Variants in LDB1 observed in about 807,000 individuals in gnomAD.
LDB1 encodes LIM domain-binding protein 1.
A neutral mutation model predicts 49.7 loss-of-function variants in LDB1; 6 were observed. That is an observed-to-expected ratio of 0.12 (90% CI 0.07 to 0.24). The LOEUF is 0.24. LDB1 is among the 10% of genes least tolerant of loss of function. The pLI, the probability that LDB1 is intolerant of heterozygous loss-of-function variation, is 1.00. For missense variants in LDB1, 341 were observed against 561.7 expected (o/e 0.61, Z 3.97); for synonymous variants, 233 against 202.0 (o/e 1.15, Z -1.30).
At chr10:102,116,579 C>T (rs1418957631) in intron 1 of LDB1, among the ~76,000 whole-genome samples, 2 of 152,184 alleles carry the variant, frequency 1.3e-5, no homozygotes, top group Non-Finnish European at 2.9e-5. Context: ...CTATGACACG[C>T]ATCCTGACCT....
In LDB1 at chr10:102,111,450, G is replaced by C; in HGVS notation, c.112C>G (p.Leu38Val). ...CTCACTTACCCCACATCCCTATCCA[G>C]CATGGTGCCGGGATGGAAGGGGGGA... ...AFPPFHPGTM[L>V]DRDVGPTPMY... Residue 38 changes from leucine to valine, a missense_variant, in exon 2 of 11, where the codon CTG becomes GTG. Transcript: ENST00000673968. 1 of 1,576,508 alleles carries C rather than the reference G, an allele frequency of 6.3e-7. No homozygotes were observed.
upstream of LDB1, among the ~76,000 whole-genome samples, chr10:102,120,644 G>C (rs1222032098): frequency 6.6e-6 from 1 of 152,202 alleles, no homozygotes; most frequent in Non-Finnish European, 1.5e-5. Context: ...GAGCGCTCGG[G>C]GAACGGCATG....
rs2068168302 is a variant in LDB1, at chr10:102,106,864, T to G, written c.*1229A>C. 6.6e-6 allele frequency among the ~76,000 whole-genome samples: 1 copy of G among 152,064 alleles called. No homozygotes were observed. The highest frequency in any genetic ancestry group is 2.1e-4 in the South Asian group (1 of 4,826). ...CCGGCTGCCTCCTCCTCCTTCCTTC[T>G]GTGAGGAAGGAGCGGCAGGGGATAC... On this transcript the variant is annotated 3_prime_UTR_variant, in exon 11 of 11. Transcript: ENST00000673968.
At chr10:102,113,040 C>T (rs58416006) in intron 1 of LDB1, among the ~76,000 whole-genome samples, 11,150 of 151,750 alleles carry the variant, frequency 0.073, 486 homozygotes, top group African/African-American at 0.12. Flanking sequence ...CCCTAAAACT[C>T]GACTGCATTT....
intron 1 of LDB1, among the ~76,000 whole-genome samples, chr10:102,118,298 C>A (rs1254191392): frequency 5.9e-5 from 9 of 152,310 alleles, no homozygotes; most frequent in Admixed American, 4.6e-4. Context: ...ATCTATAAGA[C>A]TTCTTCATGA....
chr10:102,110,938 T>C lies in LDB1; in HGVS notation c.283A>G (p.Thr95Ala). 6.2e-7 allele frequency: 1 copy of C among 1,614,076 alleles called. No individual in the cohort carries two copies. The highest frequency in any genetic ancestry group is 8.5e-7 in the Non-Finnish European group (1 of 1,179,990). The change falls in exon 5 of 11, where the codon ACT (threonine) becomes GCT (alanine). Residue 95 changes from threonine (T) to alanine (A), a missense_variant. This residue lies in a region of LDB1 where 233 missense variants were observed against 385.7 expected (regional missense o/e 0.60). Transcript: ENST00000673968. ...ATGGCATCATCCTCAAAGAACTCAGTCGTGAATGCATCCCACCAGAGATTG... is the reference window on the plus strand; with the variant it reads ...ATGGCATCATCCTCAAAGAACTCAGCCGTGAATGCATCCCACCAGAGATTG... ...CDNLWWDAFT[T>A]EFFEDDAMLT... is the part of the protein sequence containing the mutation.
rs1037234175 is a variant in LDB1 at position 102,117,109 on chromosome 10, A to G, written c.25+2977T>C. Among the ~76,000 whole-genome samples, 30 of 151,750 alleles carry G rather than the reference A, an allele frequency of 2.0e-4. No individual in the cohort carries two copies. Among genetic ancestry groups the G allele is most frequent in the Middle Eastern group, 3.4e-3 (1 of 292 alleles). Reference sequence around the variant, plus strand: ...CCCTTCCCCCTCCAGGCCTCAAATCACTGTCCTCATGGGGAGGGGGAAATG... The same window carrying G: ...CCCTTCCCCCTCCAGGCCTCAAATCGCTGTCCTCATGGGGAGGGGGAAATG... On this transcript the variant is annotated intron_variant, in intron 1 of 10. Transcript: ENST00000673968. This position sits in a 1 kb window ranked among gnomAD's most constrained non-coding sequence, Gnocchi z 4.2.
chr10:102,109,171 G>A lies in LDB1; in HGVS notation c.863C>T (p.Pro288Leu). Residue 288 changes from proline to leucine, a missense_variant, in exon 10 of 11, where the codon CCC becomes CTC. Coordinates refer to ENST00000673968, the MANE Select transcript of LDB1 (RefSeq NM_001113407.3). The surrounding 1 kb of genome is among the most constrained non-coding windows in gnomAD (Gnocchi z 5.8). ...WQRMVAPPAE[P>L]TRQQPSKRRK... ...CCGTTTGCTGGGCTGCTGACGTGTG[G>A]GCTCCGCTGTGCCGGTAAACGGAGA... 1 of 1,613,556 alleles carries A rather than the reference G, an allele frequency of 6.2e-7. No individual in the cohort carries two copies.
chr10:102,114,135 G>C (rs1380940193), intron 1 of LDB1, among the ~76,000 whole-genome samples: 1 of 152,246 alleles, frequency 6.6e-6, no homozygotes, highest in African/African-American at 2.4e-5. Flanking sequence ...TTAGGAAGGG[G>C]GAGAGAAGAG....
downstream of LDB1, among the ~76,000 whole-genome samples, chr10:102,105,353 A>G (rs1177086617): frequency 6.6e-6 from 1 of 152,100 alleles, no homozygotes; most frequent in Non-Finnish European, 1.5e-5. Flanking sequence ...ATAACTGTAG[A>G]TTGGAGATTG....
chr10:102,108,428 TC>T (rs2068199544), intron 10 of LDB1, 105 bp from the exon 11 acceptor site: 2 of 784,318 alleles, frequency 2.5e-6, no homozygotes, highest in Non-Finnish European at 4.1e-6. Context: ...AGCTCAAGAG[TC>T]CCCACCCCCT....
rs1590290329 is a variant in LDB1, at chr10:102,117,613, C to T, written c.25+2473G>A. Among the ~76,000 whole-genome samples the T allele has an allele frequency of 6.6e-6, 1 of 152,262 alleles. No homozygotes were observed. Among genetic ancestry groups the T allele is most frequent in the African/African-American group, 2.4e-5 (1 of 41,552 alleles). ...CCTTCCTTTGTCTGTGCCCGGCCTC[C>T]CGTTGGCCTGGCGCTCTGCCATCCT... is the stretch of plus-strand genomic sequence containing the variant. On this transcript the variant is annotated intron_variant, in intron 1 of 10. Transcript: ENST00000673968. This position sits in a 1 kb window ranked among gnomAD's most constrained non-coding sequence, Gnocchi z 4.2.
In LDB1 at chr10:102,108,094, T is replaced by C. The variant is rs2068193729; in HGVS notation, c.1235A>G (p.Ter412=). The C allele has an allele frequency of 1.2e-6, 2 of 1,612,904 alleles. No homozygotes were observed. Among genetic ancestry groups the C allele is most frequent in the Non-Finnish European group, 1.7e-6 (2 of 1,179,002 alleles). Residue 412 remains the stop codon, a stop_retained_variant, in exon 11 of 11, where the codon TAA becomes TGA. Transcript: ENST00000673968. ...ACTGGGTGGCCACAGCAGGGCCTTT[T>C]ACTGGGAGGCCTGTGACGTGGGGTT... The part of the protein sequence containing the change: ...SENPTSQASQ[*]
intron 1 of LDB1, among the ~76,000 whole-genome samples, chr10:102,113,776 A>C (rs2815398): frequency 7.9e-4 from 120 of 152,124 alleles, no homozygotes; most frequent in African/African-American, 2.5e-3. Context: ...AAAAAAAAAA[A>C]AACTCTCAGA....
intron 1 of LDB1, 61 bp from the exon 2 acceptor site, chr10:102,111,597 T>G: frequency 1.0e-6 from 1 of 977,114 alleles, no homozygotes; most frequent in South Asian, 1.8e-5. Context: ...AATCTAGCAC[T>G]TTGGGAGTCC....
At chr10:102,105,663 T>C (rs1158168632), downstream of LDB1, among the ~76,000 whole-genome samples, 7 of 151,862 alleles carry the variant, frequency 4.6e-5, no homozygotes, top group African/African-American at 1.7e-4. Flanking sequence ...GGGAGACTAA[T>C]TTAGACCTCA....
chr10:102,108,978 G>C (rs1287186423), intron 10 of LDB1, 51 bp downstream of exon 10: 1 of 1,612,788 alleles, frequency 6.2e-7, no homozygotes, highest in Non-Finnish European at 8.5e-7. Flanking sequence ...AAAGGGGTCA[G>C]GGGTGAGTGG....
intron 1 of LDB1, among the ~76,000 whole-genome samples, chr10:102,118,928 T>C (rs2068367150): frequency 6.6e-6 from 1 of 152,150 alleles, no homozygotes; most frequent in Non-Finnish European, 1.5e-5. Flanking sequence ...GATTGTTAGG[T>C]TCTCTTATTC....
chr10:102,116,653 C>G (rs570452572), intron 1 of LDB1, among the ~76,000 whole-genome samples: 2 of 152,248 alleles, frequency 1.3e-5, no homozygotes, highest in Admixed American at 6.5e-5. Context: ...CATACACACC[C>G]CGATCATTTA....
Sources: gnomAD v4.1 joint callset for allele counts (sites outside exome capture counted in the v4.1 genomes callset) on GRCh38, gnomAD v4.1.1 for gene constraint, gnomAD v4.1.1 regional missense constraint, Gnocchi (gnomAD v3.1) non-coding constraint, MANE v1.5 for transcripts, NCBI Gene and HGNC (gene_info 2026-07-23, HGNC 2026-07-21) for gene names.